Variants in ZZZ3 observed in about 807,000 individuals in gnomAD.
ZZZ3 encodes zinc finger ZZ-type containing 3.
Under a neutral mutation model 95.2 loss-of-function variants are expected in ZZZ3, and 22 were observed. The ratio of observed to expected loss-of-function variants is 0.23; its 90% CI spans 0.17 to 0.33. The LOEUF is 0.33. Ranked by LOEUF, ZZZ3 falls within the 10% of genes least tolerant of loss-of-function variation. ZZZ3 has a pLI of 1.00. For synonymous variants in ZZZ3, 335 were observed against 358.9 expected, an observed-to-expected ratio of 0.93 and a Z score of 0.75; for missense variants, 885 against 1,066.5, an observed-to-expected ratio of 0.83 and a Z score of 2.37.
chr1:77,612,079 G>A (rs1485389428), intron 5 of ZZZ3, among the ~76,000 whole-genome samples: 1 of 151,898 alleles, frequency 6.6e-6, no homozygotes. Flanking sequence ...TATCTGATAA[G>A]GGATTAGTAT....
chr1:77,676,836 T>G (rs1384086767), intron 1 of ZZZ3: 1 of 152,152 alleles, frequency 6.6e-6, no homozygotes, highest in East Asian at 1.9e-4. Context: ...ATTAAAAAAT[T>G]AAATAAAGCA....
chr1:77,647,761 G>A (rs1163787314), intron 1 of ZZZ3, among the ~76,000 whole-genome samples: 9 of 152,090 alleles, frequency 5.9e-5, no homozygotes, highest in East Asian at 3.9e-4. Context: ...AACACCACAC[G>A]TGGCTCACAT....
intron 8 of ZZZ3, 151 bp from the exon 9 acceptor site, chr1:77,581,220 GTT>G (rs1662489309): frequency 1.6e-6 from 1 of 641,290 alleles, no homozygotes; most frequent in East Asian, 2.8e-5. Context: ...TTTTTTAACT[GTT>G]TACAAAATGC....
At chr1:77,573,535 C>A (rs1661625134) in intron 12 of ZZZ3, among the ~76,000 whole-genome samples, 1 of 152,172 alleles carries the variant, frequency 6.6e-6, no homozygotes, top group African/African-American at 2.4e-5. Flanking sequence ...AACTACGTAT[C>A]TAATCCCTAG....
At chr1:77,598,892 C>T (rs922321977) in intron 5 of ZZZ3, among the ~76,000 whole-genome samples, 4 of 152,128 alleles carry the variant, frequency 2.6e-5, no homozygotes, top group Non-Finnish European at 5.9e-5. Context: ...ATAACTTTAG[C>T]TATTAAGTAA....
intron 5 of ZZZ3, among the ~76,000 whole-genome samples, chr1:77,594,921 CA>C (rs371690201): frequency 0.02 from 1,587 of 80,716 alleles, 13 homozygotes; most frequent in African/African-American, 0.05. Flanking sequence ...TTGACAGGCC[CA>C]AAAAAAAAAA....
chr1:77,682,003 T>C (rs1188213023), intron 1 of ZZZ3, among the ~76,000 whole-genome samples: 2 of 151,276 alleles, frequency 1.3e-5, no homozygotes, highest in Non-Finnish European at 2.9e-5. Context: ...AGTAACACAG[T>C]AGTAATTAAA....
intron 5 of ZZZ3, among the ~76,000 whole-genome samples, chr1:77,587,554 G>A (rs938849295): frequency 2.6e-4 from 39 of 152,120 alleles, no homozygotes; most frequent in Admixed American, 1.0e-3. Context: ...GTGAGCCACC[G>A]CGCCCAGCCC....
intron 12 of ZZZ3, among the ~76,000 whole-genome samples, chr1:77,572,743 C>A (rs993612259): frequency 2.0e-5 from 3 of 152,012 alleles, no homozygotes; most frequent in Non-Finnish European, 4.4e-5. Flanking sequence ...CTCAAGTGAT[C>A]CTCCCATCTC....
chr1:77,610,226 T>C (rs1665656166), intron 5 of ZZZ3, among the ~76,000 whole-genome samples: 1 of 150,448 alleles, frequency 6.6e-6, no homozygotes, highest in African/African-American at 2.4e-5. Flanking sequence ...AAATCTGGAA[T>C]AGATAAATTG....
chr1:77,599,352 T>A (rs1404704793), intron 5 of ZZZ3, among the ~76,000 whole-genome samples: 1 of 152,042 alleles, frequency 6.6e-6, no homozygotes, highest in East Asian at 1.9e-4. Flanking sequence ...AAATATTTAT[T>A]GAATATACAT....
In ZZZ3 at chr1:77,580,955, T is replaced by A. The variant is rs781619238; in HGVS notation, c.1980+43A>T. The A allele has an allele frequency of 3.1e-5, 48 of 1,527,786 alleles. No individual in the cohort carries two copies. The South Asian group carries it at 4.6e-4, about 15-fold the overall frequency. The allele number at this position is 1,527,786 out of a possible 1,614,324, so 94.6% of individuals were successfully genotyped here. A position where few individuals can be genotyped will look rare whatever the true frequency, so the allele number is the denominator to read the frequency against. On this transcript the variant is annotated intron_variant, in intron 9 of 14. Coordinates refer to ENST00000370801, the MANE Select transcript of ZZZ3 (RefSeq NM_015534.6). ...AATACTGACTCTGATGTTAACTGTTTACTTGTTTTTTTAAGCCTACACGAT... is the reference window on the plus strand; with the variant it reads ...AATACTGACTCTGATGTTAACTGTTAACTTGTTTTTTTAAGCCTACACGAT...
chr1:77,650,392 A>G (rs762222753), intron 1 of ZZZ3, among the ~76,000 whole-genome samples: 7 of 152,226 alleles, frequency 4.6e-5, no homozygotes, highest in Non-Finnish European at 1.0e-4. Flanking sequence ...AATGAACATT[A>G]AAAGATTCAA....
At chr1:77,622,360 T>C (rs1570534862) in intron 5 of ZZZ3, among the ~76,000 whole-genome samples, 2 of 80,602 alleles carry the variant, frequency 2.5e-5, no homozygotes, top group African/African-American at 9.7e-5. Context: ...GTAAAACAAA[T>C]GAAAAATAGC....
intron 12 of ZZZ3, among the ~76,000 whole-genome samples, chr1:77,571,093 A>G (rs1303973613): frequency 2.0e-5 from 3 of 152,188 alleles, no homozygotes; most frequent in Non-Finnish European, 2.9e-5. Flanking sequence ...GACCCGAATA[A>G]TTAGATAATA....
chr1:77,571,620 T>A (rs1661391724), intron 12 of ZZZ3, among the ~76,000 whole-genome samples: 1 of 152,204 alleles, frequency 6.6e-6, no homozygotes, highest in Non-Finnish European at 1.5e-5. Context: ...GAAATTGTGA[T>A]ACATGCTACA....
At chr1:77,671,068 A>C (rs1418427147) in intron 1 of ZZZ3, among the ~76,000 whole-genome samples, 2 of 151,668 alleles carry the variant, frequency 1.3e-5, no homozygotes, top group African/African-American at 4.8e-5. Flanking sequence ...GACATCTGCC[A>C]GCAACTGCCG....
In ZZZ3 at chr1:77,632,127, G is replaced by A. The variant is rs1467472502; in HGVS notation, c.1228C>T (p.Leu410Phe). The A allele has an allele frequency of 1.2e-6, 2 of 1,614,102 alleles. No homozygotes were observed. The highest frequency in any genetic ancestry group is 1.7e-6 in the Non-Finnish European group (2 of 1,179,992). ...GTTGCATTTGTTTCATTAGGACTAAGATTATTCTCCTCAAATTGTCCATTT... is the reference window on the plus strand; with the variant it reads ...GTTGCATTTGTTTCATTAGGACTAAAATTATTCTCCTCAAATTGTCCATTT... The part of the protein sequence containing the change: ...RENGQFEENN[L>F]SPNETNATVS... Residue 410 changes from leucine (L) to phenylalanine (F), a missense_variant, in exon 5 of 15, where the codon CTT becomes TTT. By Grantham distance (22) the Leu-to-Phe change is conservative. Transcript: ENST00000370801.
At chr1:77,576,437 A>G (rs3736313) in intron 11 of ZZZ3, among the ~76,000 whole-genome samples, 35,755 of 151,932 alleles carry the variant, frequency 0.24, 4,404 homozygotes, top group East Asian at 0.44. Flanking sequence ...TACCCCAACA[A>G]CGGTAAAATG....
Sources: gnomAD v4.1 joint callset for allele counts (sites outside exome capture counted in the v4.1 genomes callset) on GRCh38, gnomAD v4.1.1 for gene constraint, MANE v1.5 for transcripts, NCBI Gene and HGNC (gene_info 2026-07-23, HGNC 2026-07-21) for gene names.